The following SLC27A4 variants were observed in gnomAD, a reference collection of about 807,000 sequenced individuals.
SLC27A4 encodes long-chain fatty acid transport protein 4.
A neutral mutation model predicts 64.4 loss-of-function variants in SLC27A4; 33 were observed. The observed-to-expected ratio is 0.51, with a 90% CI of 0.39 to 0.68. The LOEUF is 0.68. Among genes scored for constraint, SLC27A4 ranks in the 30% least tolerant of loss-of-function variants. The pLI, the probability that SLC27A4 is intolerant of heterozygous loss-of-function variation, is 0.00. For missense variants in SLC27A4, 824 were observed against 883.5 expected (o/e 0.93, Z 0.85); for synonymous variants, 377 against 370.0 (o/e 1.02, Z -0.22).
intron 9 of SLC27A4, 78 bp from the exon 10 acceptor site, chr9:128,354,974 AG>A: frequency 2.0e-5 from 24 of 1,224,318 alleles, no homozygotes; most frequent in South Asian, 5.9e-5. Context: ...AAAAAAAAAA[AG>A]ACGCAGGGTA....
At position 128,345,331 on chromosome 9, in the gene SLC27A4, G is replaced by C. The variant is rs372549619; in HGVS notation, c.338G>C (p.Ser113Thr). ...CGCCAGCTGGATGAGTACTCAAGCA[G>C]TGTAGCCAACTTCCTGCAGGCCCGG... ...TFRQLDEYSS[S>T]VANFLQARGL... is the part of the protein sequence containing the mutation. The change falls in exon 3 of 13, where the codon AGT (serine) becomes ACT (threonine). Residue 113 changes from serine to threonine, a missense_variant. Physicochemically the swap from Ser to Thr is moderately conservative, Grantham distance 58 (BLOSUM62 1). Coordinates refer to ENST00000300456, the MANE Select transcript of SLC27A4 (RefSeq NM_005094.4). The surrounding 1 kb of genome is among the most constrained non-coding windows in gnomAD (Gnocchi z 4.1). 51 of 1,613,760 alleles carry C rather than the reference G, an allele frequency of 3.2e-5. No individual in the cohort carries two copies. The African/African-American group carries it at 5.5e-4, about 17-fold the overall frequency.
intron 3 of SLC27A4, among the ~76,000 whole-genome samples, chr9:128,347,523 T>TA (rs1252401567): frequency 6.6e-6 from 1 of 151,076 alleles, no homozygotes; most frequent in African/African-American, 2.4e-5. Context: ...GCTCGAGAGT[T>TA]AAAGACTAGA....
rs764884901 is a variant in SLC27A4, at chr9:128,345,477, C to T, written c.484C>T (p.Arg162Trp). ...AGCCCTCATCAACACCAACCTGCGG[C>T]GGGATGCTCTGCTCCACTGCCTCAC... ...EAALINTNLR[R>W]DALLHCLTTS... The change falls in exon 3 of 13, where the codon CGG (arginine) becomes TGG (tryptophan). Residue 162 changes from arginine to tryptophan, a missense_variant. Physicochemically the swap from Arg to Trp is moderately radical, Grantham distance 101. Transcript: ENST00000300456. This position sits in a 1 kb window ranked among gnomAD's most constrained non-coding sequence, Gnocchi z 4.1. The T allele has an allele frequency of 7.4e-6, 12 of 1,612,820 alleles. No individual in the cohort carries two copies. Among genetic ancestry groups the T allele is most frequent in the East Asian group, 2.2e-5 (1 of 44,884 alleles).
rs1233501637 is a variant in SLC27A4, at chr9:128,361,307, C to T, written c.*816C>T. 6.5e-6 allele frequency: 1 copy of T among 152,884 alleles called. No homozygotes were observed. Among genetic ancestry groups the T allele is most frequent in the Non-Finnish European group, 1.5e-5 (1 of 68,352 alleles). The allele number at this position is 152,884 out of a possible 1,614,324, so 9.5% of individuals were successfully genotyped here. Reference sequence around the variant, plus strand: ...GCCGCTTGATCCCCCACGCCAACCCCCTGGCCCATTGACCCGCCTCATCTG... The same window carrying T: ...GCCGCTTGATCCCCCACGCCAACCCTCTGGCCCATTGACCCGCCTCATCTG... On this transcript the variant is annotated 3_prime_UTR_variant, in exon 13 of 13. Coordinates refer to ENST00000300456, the MANE Select transcript of SLC27A4 (RefSeq NM_005094.4).
At chr9:128,344,094 A>G (rs1052183076) in intron 2 of SLC27A4, among the ~76,000 whole-genome samples, 3 of 152,160 alleles carry the variant, frequency 2.0e-5, no homozygotes, top group Admixed American at 6.5e-5. Flanking sequence ...GCAAGGAGAA[A>G]CAGCTGCCAG....
At chr9:128,350,449 G>A (rs1832716126) in intron 5 of SLC27A4, 35 bp from the exon 6 acceptor site, 4 of 1,612,798 alleles carry the variant, frequency 2.5e-6, no homozygotes, top group African/African-American at 1.3e-5. Context: ...TGCCTTTCTA[G>A]GGCCCGCTCA....
rs587776384 is a variant in SLC27A4 at position 128,355,439 on chromosome 9, C to T, written c.1504C>T (p.Arg502Ter). Residue 502 changes from arginine to a stop codon, truncating the protein, a stop_gained, in exon 11 of 13, where the codon CGA (arginine) becomes TGA (stop). Transcript: ENST00000300456. LOFTEE classifies it high-confidence loss of function. ...VMDELGYLYF[R>*]DRTGDTFRWK... ...GGACGAGCTGGGCTACCTGTACTTC[C>T]GAGACCGCACTGGGGACACGTTCCG... The T allele has an allele frequency of 1.5e-5, 25 of 1,613,576 alleles. No homozygotes were observed. Among genetic ancestry groups the T allele is most frequent in the East Asian group, 2.2e-5 (1 of 44,880 alleles).
At chr9:128,354,613 G>A (rs1044543003) in intron 9 of SLC27A4, among the ~76,000 whole-genome samples, 5 of 151,936 alleles carry the variant, frequency 3.3e-5, no homozygotes, top group Middle Eastern at 3.4e-3. Flanking sequence ...GGGAGGGTGG[G>A]GCATTTCTGT....
At chr9:128,344,084 G>A (rs779973865) in intron 2 of SLC27A4, among the ~76,000 whole-genome samples, 9 of 152,186 alleles carry the variant, frequency 5.9e-5, no homozygotes, top group Non-Finnish European at 1.0e-4. Context: ...GGAGCATGGA[G>A]CAAGGAGAAA....
At position 128,360,517 on chromosome 9, in the gene SLC27A4, C is replaced by T. The variant is rs376796238; in HGVS notation, c.*26C>T. ...TTCCCCCCATCCCTCTGAGGGCCGG[C>T]GGATGCTGGATCCGGAGCCCCAGGT... On this transcript the variant is annotated 3_prime_UTR_variant, in exon 13 of 13. Transcript: ENST00000300456. 1.6e-5 allele frequency: 26 copies of T among 1,612,204 alleles called. No individual in the cohort carries two copies. Among genetic ancestry groups the T allele is most frequent in the Admixed American group, 3.3e-5 (2 of 59,990 alleles).
chr9:128,352,781 T>G, intron 7 of SLC27A4, 34 bp downstream of exon 7: 1 of 1,507,416 alleles, frequency 6.6e-7, no homozygotes. Context: ...GCTGTCCCTT[T>G]CCCCTAGTTA....
intron 3 of SLC27A4, among the ~76,000 whole-genome samples, chr9:128,346,486 G>A (rs1427610213): frequency 1.2e-4 from 17 of 146,324 alleles, no homozygotes; most frequent in Non-Finnish European, 2.1e-4. Context: ...CACCCGCCTC[G>A]GCCTCCCAAA....
In SLC27A4 at chr9:128,361,067, C is replaced by T. The variant is rs1450762192; in HGVS notation, c.*576C>T. The T allele has an allele frequency of 6.2e-6, 1 of 160,850 alleles. No homozygotes were observed. Among genetic ancestry groups the T allele is most frequent in the Non-Finnish European group, 1.4e-5 (1 of 72,364 alleles). 10.0% of individuals were successfully genotyped at this position (160,850 alleles called of 1,614,324 possible). On this transcript the variant is annotated 3_prime_UTR_variant, in exon 13 of 13. Coordinates refer to ENST00000300456, the MANE Select transcript of SLC27A4 (RefSeq NM_005094.4). ...CCCTGGCCTCTCCCCACTCCCCCAT[C>T]CTCCTCCCTGGGTGGCTGCCTGATT...
intron 3 of SLC27A4, among the ~76,000 whole-genome samples, chr9:128,347,262 G>A (rs1312346858): frequency 6.6e-6 from 1 of 152,194 alleles, no homozygotes; most frequent in East Asian, 1.9e-4. Context: ...AGGGATCTTG[G>A]TTTTATGGAT....
chr9:128,359,579 C>T (rs142009545), intron 12 of SLC27A4, among the ~76,000 whole-genome samples: 4,420 of 152,212 alleles, frequency 0.029, 209 homozygotes, highest in African/African-American at 0.1. Context: ...GAGCCAAGAT[C>T]GTGCCACTGC....
Position 128,340,674 on chromosome 9 carries a change from G to C in SLC27A4, c.-171G>C, listed in dbSNP as rs1453270578. ...GCGCGGCGGGCGGGGCCGGGCGGCGGGCGGGGCTGGCGGGGCGGCCGGGCC... is the reference window on the plus strand; with the variant it reads ...GCGCGGCGGGCGGGGCCGGGCGGCGCGCGGGGCTGGCGGGGCGGCCGGGCC... On this transcript the variant is annotated 5_prime_UTR_variant, in exon 1 of 13. Coordinates refer to ENST00000300456, the MANE Select transcript of SLC27A4 (RefSeq NM_005094.4). 5.4e-6 allele frequency: 2 copies of C among 372,404 alleles called. No homozygotes were observed. The highest frequency in any genetic ancestry group is 2.1e-5 in the African/African-American group (1 of 46,736). 23.1% of individuals were successfully genotyped at this position (372,404 alleles called of 1,614,324 possible).
chr9:128,344,253 C>T (rs748204530), intron 2 of SLC27A4, among the ~76,000 whole-genome samples: 2 of 152,260 alleles, frequency 1.3e-5, no homozygotes, highest in Non-Finnish European at 2.9e-5. Flanking sequence ...CGCAGTGGCT[C>T]ACACCTGTGA....
rs752947632 is a variant in SLC27A4 at position 128,360,531 on chromosome 9, G to A, written c.*40G>A. 65 of 1,610,006 alleles carry A rather than the reference G, an allele frequency of 4.0e-5. 1 individual carries two copies. In the Admixed American group the frequency reaches 6.8e-4, roughly 17 times the overall value. ...CTGAGGGCCGGCGGATGCTGGATCCGGAGCCCCAGGTTCCGCCCCAGAGCG... is the reference window on the plus strand; with the variant it reads ...CTGAGGGCCGGCGGATGCTGGATCCAGAGCCCCAGGTTCCGCCCCAGAGCG... On this transcript the variant is annotated 3_prime_UTR_variant, in exon 13 of 13. Coordinates refer to ENST00000300456, the MANE Select transcript of SLC27A4 (RefSeq NM_005094.4).
chr9:128,355,368 C>G (rs772892415), intron 10 of SLC27A4, 30 bp from the exon 11 acceptor site: 1 of 1,612,692 alleles, frequency 6.2e-7, no homozygotes, highest in Non-Finnish European at 8.5e-7. Context: ...CTGGCCAGGC[C>G]CAGCCCTGCC....
Sources: allele counts gnomAD v4.1 joint callset (sites outside exome capture counted in the v4.1 genomes callset), GRCh38; gene constraint gnomAD v4.1.1; non-coding constraint Gnocchi (gnomAD v3.1); transcripts MANE v1.5; gene names NCBI Gene and HGNC (gene_info 2026-07-23, HGNC 2026-07-21).